ZNF280C: variants seen among roughly 807,000 people sequenced by gnomAD.
The protein encoded by ZNF280C is suppressor of hairy wing homolog 3.
Under a neutral mutation model 53.6 loss-of-function variants are expected in ZNF280C, and 14 were observed. The observed-to-expected ratio is 0.26, with a 90% CI of 0.17 to 0.41. The LOEUF (loss-of-function observed/expected upper bound fraction) is 0.41, where lower values mean the gene tolerates loss of function less well. Among genes scored for constraint, ZNF280C ranks in the 10% least tolerant of loss-of-function variants. ZNF280C has a pLI of 1.00. For missense variants in ZNF280C, 416 were observed against 547.1 expected (o/e 0.76, Z 2.39); for synonymous variants, 203 against 181.1 (o/e 1.12, Z -0.97).
At chrX:130,249,231 C>T (rs933140267) in intron 2 of ZNF280C, among the ~76,000 whole-genome samples, 10 of 111,987 alleles carry the variant, frequency 8.9e-5, no homozygotes, top group Non-Finnish European at 1.5e-4. Flanking sequence ...CCACCTGGGG[C>T]CCCTGCACCC....
rs939831074 is a variant in ZNF280C at position 130,203,020 on chromosome X, C to G, written c.*1957G>C. 1 of 111,380 alleles carries G rather than the reference C, an allele frequency of 9.0e-6. No homozygotes were observed. Among genetic ancestry groups the G allele is most frequent in the Non-Finnish European group, 1.9e-5 (1 of 53,102 alleles). 9.2% of individuals were successfully genotyped at this position (111,380 alleles called of 1,213,427 possible). A position where few individuals can be genotyped will look rare whatever the true frequency, so the allele number is the denominator to read the frequency against. ...TTTAAGTTCTGTAAGAAGAGTTTTG[C>G]CAATTCTTTATGTCTTTGAAATCAG... On this transcript the variant is annotated 3_prime_UTR_variant, in exon 19 of 19. Coordinates refer to ENST00000370978, the MANE Select transcript of ZNF280C (RefSeq NM_017666.5).
rs1416356376 is a variant in ZNF280C, at chrX:130,204,505, A to G, written c.*472T>C. The G allele has an allele frequency of 8.7e-6, 1 of 114,762 alleles. No individual in the cohort carries two copies. The highest frequency in any genetic ancestry group is 3.2e-5 in the African/African-American group (1 of 30,964). 9.5% of individuals were successfully genotyped at this position (114,762 alleles called of 1,213,427 possible). A position where few individuals can be genotyped will look rare whatever the true frequency, so the allele number is the denominator to read the frequency against. ...CCATCAAAAGGGGACACTGTCCAGG[A>G]GTACCCTGGATATTTTTTGAAACTT... is the stretch of plus-strand genomic sequence containing the variant. On this transcript the variant is annotated 3_prime_UTR_variant, in exon 19 of 19. Coordinates refer to ENST00000370978, the MANE Select transcript of ZNF280C (RefSeq NM_017666.5).
chrX:130,211,675 G>C (rs1477902158), intron 15 of ZNF280C, among the ~76,000 whole-genome samples: 1 of 111,566 alleles, frequency 9.0e-6, no homozygotes, highest in African/African-American at 3.3e-5. Context: ...TGAGGTTAAT[G>C]ATGAGTAAGA....
intron 8 of ZNF280C, among the ~76,000 whole-genome samples, chrX:130,232,836 T>C (rs1226160675): frequency 8.9e-6 from 1 of 111,937 alleles, no homozygotes; most frequent in Non-Finnish European, 1.9e-5. Context: ...TCTGTATATA[T>C]GCCCAAAGGA....
At chrX:130,246,039 G>A (rs1440893329) in intron 3 of ZNF280C, among the ~76,000 whole-genome samples, 1 of 111,408 alleles carries the variant, frequency 9.0e-6, no homozygotes, top group African/African-American at 3.3e-5. Context: ...TACCCACTTC[G>A]GCCTCCCAAA....
chrX:130,209,642 T>C lies in ZNF280C; in HGVS notation c.2042+11A>G. The C allele has an allele frequency of 8.4e-7, 1 of 1,189,640 alleles. No homozygotes were observed. Among genetic ancestry groups the C allele is most frequent in the Non-Finnish European group, 1.1e-6 (1 of 879,110 alleles). On this transcript the variant is annotated intron_variant, in intron 16 of 18. Coordinates refer to ENST00000370978, the MANE Select transcript of ZNF280C (RefSeq NM_017666.5). ...TTTCAATTGAAAGAAAAAAAAAAGATCAATGATTACCTGAGAGTTCCTGAA... is the reference window on the plus strand; with the variant it reads ...TTTCAATTGAAAGAAAAAAAAAAGACCAATGATTACCTGAGAGTTCCTGAA...
Position 130,205,310 on chromosome X carries a change from AAC to A in ZNF280C, c.2146_2147del (p.Val716TyrfsTer13). 1 of 1,198,345 alleles carries A rather than the reference AAC, an allele frequency of 8.3e-7. No individual in the cohort carries two copies. Among genetic ancestry groups the A allele is most frequent in the Non-Finnish European group, 1.1e-6 (1 of 884,976 alleles). On this transcript the variant is annotated frameshift_variant, in exon 17 of 19. Coordinates refer to ENST00000370978, the MANE Select transcript of ZNF280C (RefSeq NM_017666.5). LOFTEE classifies it high-confidence loss of function. ...ATATATACGTACCATTCTCTATTATAACTTGGCAAGTATGAGTTTTACGTTGA... is the reference window on the plus strand; with the variant it reads ...ATATATACGTACCATTCTCTATTATATTGGCAAGTATGAGTTTTACGTTGA... ...LSQRKTHTCQ[V>X]IIENVSKSTS...
intron 6 of ZNF280C, among the ~76,000 whole-genome samples, chrX:130,238,529 A>C (rs1452051388): frequency 9.0e-6 from 1 of 111,577 alleles, no homozygotes; most frequent in Non-Finnish European, 1.9e-5. Context: ...TTCAGGACAA[A>C]GTCCCACTCT....
intron 2 of ZNF280C, among the ~76,000 whole-genome samples, chrX:130,256,927 G>A (rs1412790616): frequency 9.2e-6 from 1 of 108,335 alleles, no homozygotes; most frequent in South Asian, 4.1e-4. Context: ...AGGGCCAGGC[G>A]CGGTGGCTCA....
chrX:130,213,815 C>G (rs2032070290), intron 15 of ZNF280C, among the ~76,000 whole-genome samples: 1 of 111,707 alleles, frequency 9.0e-6, no homozygotes, highest in Non-Finnish European at 1.9e-5. Flanking sequence ...TCAGGCTGAC[C>G]ACCAAAGGGA....
At chrX:130,258,975 A>G (rs192812839) in intron 2 of ZNF280C, among the ~76,000 whole-genome samples, 266 of 112,112 alleles carry the variant, frequency 2.4e-3, no homozygotes, top group African/African-American at 8.1e-3. Context: ...TGCCATATTA[A>G]TAAGTATCTA....
At chrX:130,247,118 G>GT in intron 2 of ZNF280C, 113 bp from the exon 3 acceptor site, 1 of 773,578 alleles carries the variant, frequency 1.3e-6, no homozygotes, top group Non-Finnish European at 1.8e-6. Context: ...AGCAATTACT[G>GT]ACTTGATATT....
chrX:130,266,411 G>C (rs1199820616), intron 1 of ZNF280C, among the ~76,000 whole-genome samples: 1 of 111,621 alleles, frequency 9.0e-6, no homozygotes, highest in Non-Finnish European at 1.9e-5. Flanking sequence ...GGAGGAATAA[G>C]TTTTAGTTAT....
chrX:130,242,137 G>A (rs1043766249), intron 5 of ZNF280C, among the ~76,000 whole-genome samples: 7 of 110,141 alleles, frequency 6.4e-5, no homozygotes, highest in African/African-American at 9.9e-5. Flanking sequence ...CAGCTACTCG[G>A]GAGGCTGAGG....
chrX:130,248,274 C>A (rs1176150624), intron 2 of ZNF280C, among the ~76,000 whole-genome samples: 4 of 106,655 alleles, frequency 3.8e-5, no homozygotes, highest in Admixed American at 1.0e-4. Flanking sequence ...CTGTATGGGG[C>A]TACTGTGCAC....
intron 8 of ZNF280C, among the ~76,000 whole-genome samples, chrX:130,235,160 T>C (rs983289726): frequency 3.6e-5 from 4 of 112,453 alleles, no homozygotes; most frequent in Non-Finnish European, 7.5e-5. Flanking sequence ...TACAGGAAGT[T>C]TGAAGAATGT....
At chrX:130,231,598 C>T (rs1366663647) in intron 8 of ZNF280C, among the ~76,000 whole-genome samples, 1 of 111,185 alleles carries the variant, frequency 9.0e-6, no homozygotes, top group Non-Finnish European at 1.9e-5. Context: ...AAGGCAGGGG[C>T]TGAAAAACTT....
intron 2 of ZNF280C, among the ~76,000 whole-genome samples, chrX:130,247,612 T>C (rs954847799): frequency 1.8e-5 from 2 of 111,850 alleles, no homozygotes; most frequent in Non-Finnish European, 3.8e-5. Flanking sequence ...TAGTAGTCAT[T>C]TACAGTGGCC....
chrX:130,218,691 C>CT (rs1879338598), intron 13 of ZNF280C, among the ~76,000 whole-genome samples: 1 of 111,844 alleles, frequency 8.9e-6, no homozygotes, highest in African/African-American at 3.3e-5. Context: ...AATCTTAGTA[C>CT]TACCTCTTCC....
Sources: gnomAD v4.1 joint callset for allele counts (sites outside exome capture counted in the v4.1 genomes callset) on GRCh38, gnomAD v4.1.1 for gene constraint, MANE v1.5 for transcripts, NCBI Gene and HGNC (gene_info 2026-07-23, HGNC 2026-07-21) for gene names.